The following XXYLT1 variants were observed in gnomAD, a reference collection of about 807,000 sequenced individuals.
XXYLT1 encodes the protein UDP-xylose:alpha-xyloside alpha-1,3-xylosyltransferase.
In XXYLT1, 20 loss-of-function variants were observed where a neutral mutation model predicts 28.9. The observed-to-expected ratio is 0.69, with a 90% CI of 0.49 to 1.00. XXYLT1 has a LOEUF of 1.00. Ranked by LOEUF, XXYLT1 falls within the 50% of genes least tolerant of loss-of-function variation. The pLI is 0.00. For synonymous variants in XXYLT1, 257 were observed against 253.8 expected, an observed-to-expected ratio of 1.01 and a Z score of -0.12; for missense variants, 542 against 560.1, an observed-to-expected ratio of 0.97 and a Z score of 0.33.
chr3:195,252,779 T>G (rs544701558), intron 1 of XXYLT1, among the ~76,000 whole-genome samples: 50 of 151,112 alleles, frequency 3.3e-4, no homozygotes, highest in Non-Finnish European at 6.0e-4. Context: ...TTATTTATTG[T>G]GTGAAAAAAA....
rs1273157120 is a variant in XXYLT1 at position 195,077,887 on chromosome 3, C to G, written c.786-7776G>C. Among the ~76,000 whole-genome samples, 1 of 152,186 alleles carries G rather than the reference C, an allele frequency of 6.6e-6. No individual in the cohort carries two copies. The highest frequency in any genetic ancestry group is 1.5e-5 in the Non-Finnish European group (1 of 68,022). On this transcript the variant is annotated intron_variant, in intron 3 of 3. Transcript: ENST00000310380. This position sits in a 1 kb window ranked among gnomAD's most constrained non-coding sequence, Gnocchi z 4.8. ...CCTCCGCTCCCCGTGCCCAGCCTGC[C>G]TGGGGTTGTCAGTCACGTGACCTTC...
rs189235167 is a variant in XXYLT1, at chr3:195,238,031, C to T, written c.505-11175G>A. ...GAATTGTTTTCCAAATAGAGAAATTCGTTTTTCTCTCTCCCTGGCTTCAAG... is the reference window on the plus strand; with the variant it reads ...GAATTGTTTTCCAAATAGAGAAATTTGTTTTTCTCTCTCCCTGGCTTCAAG... On this transcript the variant is annotated intron_variant, in intron 1 of 3. Coordinates refer to ENST00000310380, the MANE Select transcript of XXYLT1 (RefSeq NM_152531.5). 7.9e-5 allele frequency among the ~76,000 whole-genome samples: 12 copies of T among 152,278 alleles called. No individual in the cohort carries two copies. The East Asian group carries it at 1.4e-3, about 17-fold the overall frequency.
chr3:195,068,486 A>AT lies in XXYLT1; in HGVS notation c.*1228dup, dbSNP rs141537232. ...CGGTCTAACGTGGTATGATAAGGGG[A>AT]TTTTTTAAACAAAGAAACTAGAATG... On this transcript the variant is annotated 3_prime_UTR_variant, in exon 4 of 4. Transcript: ENST00000310380. 2.0e-5 allele frequency: 3 copies of AT among 151,878 alleles called. No individual in the cohort carries two copies. The highest frequency in any genetic ancestry group is 4.2e-4 in the South Asian group (2 of 4,796). The allele number at this position is 151,878 out of a possible 1,614,324, so 9.4% of individuals were successfully genotyped here. A position where few individuals can be genotyped will look rare whatever the true frequency, so the allele number is the denominator to read the frequency against.
chr3:195,137,120 A>G (rs1369369640), intron 3 of XXYLT1, among the ~76,000 whole-genome samples: 1 of 152,162 alleles, frequency 6.6e-6, no homozygotes, highest in Non-Finnish European at 1.5e-5. Context: ...GTGCCTCATC[A>G]GCTTGCTGTG....
At chr3:195,220,163 T>G (rs909290739) in intron 2 of XXYLT1, among the ~76,000 whole-genome samples, 6 of 152,172 alleles carry the variant, frequency 3.9e-5, no homozygotes, top group African/African-American at 1.4e-4. Context: ...AGACAGAGTC[T>G]CACTCTATTA....
chr3:195,182,537 AGT>A (rs1722002418), intron 2 of XXYLT1, among the ~76,000 whole-genome samples: 1 of 152,314 alleles, frequency 6.6e-6, no homozygotes, highest in South Asian at 2.1e-4. Flanking sequence ...AGACGAGCAC[AGT>A]GTGTTACTCA....
chr3:195,244,779 AAAAAAC>A (rs1724936044), intron 1 of XXYLT1, among the ~76,000 whole-genome samples: 1 of 150,718 alleles, frequency 6.6e-6, no homozygotes, highest in Admixed American at 6.6e-5. Context: ...AAAAAAAAAA[AAAAAAC>A]ATGTTTCATT....
chr3:195,107,324 A>C (rs1418377163), intron 3 of XXYLT1, among the ~76,000 whole-genome samples: 2 of 151,002 alleles, frequency 1.3e-5, no homozygotes, highest in Non-Finnish European at 3.0e-5. Flanking sequence ...AAATACAAAA[A>C]TTAGCCGGGC....
chr3:195,156,635 G>C (rs775922775), intron 2 of XXYLT1, 54 bp from the exon 3 acceptor site: 4 of 1,591,810 alleles, frequency 2.5e-6, no homozygotes, highest in Non-Finnish European at 1.7e-6. Context: ...TGGGAGGCTC[G>C]GCCACGGACA....
At chr3:195,103,080 C>G (rs1051493523) in intron 3 of XXYLT1, among the ~76,000 whole-genome samples, 1 of 152,186 alleles carries the variant, frequency 6.6e-6, no homozygotes, top group Admixed American at 6.5e-5. Flanking sequence ...GGAATCAACC[C>G]CGTACTGCCA....
At chr3:195,081,385 G>A (rs1234650954) in intron 3 of XXYLT1, among the ~76,000 whole-genome samples, 6 of 152,202 alleles carry the variant, frequency 3.9e-5, no homozygotes, top group Non-Finnish European at 5.9e-5. Context: ...GCTGAGCAGG[G>A]CCCGGGGACA....
chr3:195,100,993 T>C (rs555493493), intron 3 of XXYLT1, among the ~76,000 whole-genome samples: 1 of 152,384 alleles, frequency 6.6e-6, no homozygotes, highest in Admixed American at 6.5e-5. Context: ...TAACTAGCCT[T>C]TTCCAAGACA....
intron 1 of XXYLT1, among the ~76,000 whole-genome samples, chr3:195,252,659 G>C (rs573142525): frequency 6.9e-6 from 1 of 143,960 alleles, no homozygotes; most frequent in Non-Finnish European, 1.5e-5. Flanking sequence ...ATCAAGGAAG[G>C]TTCCTGGGAA....
chr3:195,251,324 C>T (rs1725243749), intron 1 of XXYLT1, among the ~76,000 whole-genome samples: 2 of 152,258 alleles, frequency 1.3e-5, no homozygotes, highest in Non-Finnish European at 2.9e-5. Context: ...ACTCATGTGA[C>T]CCCATGTGTT....
rs946204714 is a variant in XXYLT1 at position 195,078,685 on chromosome 3, C to T, written c.786-8574G>A. Among the ~76,000 whole-genome samples, 3 of 152,168 alleles carry T rather than the reference C, an allele frequency of 2.0e-5. No individual in the cohort carries two copies. Among genetic ancestry groups the T allele is most frequent in the Non-Finnish European group, 2.9e-5 (2 of 68,012 alleles). ...CAGACAGTACCTCAGTACCCCTCCA[C>T]GAAGTAGAGATGCATCCTGCTGCCA... On this transcript the variant is annotated intron_variant, in intron 3 of 3. Coordinates refer to ENST00000310380, the MANE Select transcript of XXYLT1 (RefSeq NM_152531.5). The surrounding 1 kb of genome is among the most constrained non-coding windows in gnomAD (Gnocchi z 5.0).
intron 3 of XXYLT1, among the ~76,000 whole-genome samples, chr3:195,071,625 A>G (rs1166109352): frequency 2.0e-5 from 3 of 152,052 alleles, no homozygotes; most frequent in African/African-American, 7.3e-5. Context: ...AAGCTTCTCA[A>G]GCAAACTGAG....
At chr3:195,196,940 G>A (rs1722649142) in intron 2 of XXYLT1, among the ~76,000 whole-genome samples, 1 of 152,012 alleles carries the variant, frequency 6.6e-6, no homozygotes, top group South Asian at 2.1e-4. Context: ...TTTACACTGG[G>A]ACTAGTATAT....
At chr3:195,105,225 C>G (rs1477755455) in intron 3 of XXYLT1, among the ~76,000 whole-genome samples, 1 of 152,204 alleles carries the variant, frequency 6.6e-6, no homozygotes, top group Non-Finnish European at 1.5e-5. Context: ...GGGACACAAC[C>G]AAGTGTGTCA....
chr3:195,143,414 T>G (rs891128549), intron 3 of XXYLT1, among the ~76,000 whole-genome samples: 1 of 152,190 alleles, frequency 6.6e-6, no homozygotes, highest in Admixed American at 6.5e-5. Context: ...GTCGATATTT[T>G]GAAATCAGAA....
Sources: allele counts gnomAD v4.1 joint callset (sites outside exome capture counted in the v4.1 genomes callset), GRCh38; gene constraint gnomAD v4.1.1; non-coding constraint Gnocchi (gnomAD v3.1); transcripts MANE v1.5; gene names NCBI Gene and HGNC (gene_info 2026-07-23, HGNC 2026-07-21).